Variants in MTHFD1 observed in about 807,000 individuals in gnomAD.
MTHFD1 encodes the protein methylenetetrahydrofolate dehydrogenase, cyclohydrolase and formyltetrahydrofolate synthetase 1.
MTHFD1 carries 44 observed loss-of-function variants against 110.3 expected under a neutral mutation model. That is an observed-to-expected ratio of 0.40 (90% CI 0.31 to 0.51). The LOEUF (loss-of-function observed/expected upper bound fraction) is 0.51, where lower values mean the gene tolerates loss of function less well. MTHFD1 is among the 20% of genes least tolerant of loss of function. MTHFD1 has a pLI of 0.60. For missense variants in MTHFD1, 909 were observed against 1,173.1 expected (o/e 0.77, Z 3.29); for synonymous variants, 402 against 428.8 (o/e 0.94, Z 0.77).
chr14:64,414,068 C>T (rs2884243), intron 4 of MTHFD1, among the ~76,000 whole-genome samples: 126,143 of 152,074 alleles, frequency 0.83, 52,516 homozygotes, highest in Middle Eastern at 0.93. Context: ...AATATTGGCT[C>T]ACTGCAACCT....
In MTHFD1 at chr14:64,448,202, C is replaced by A; in HGVS notation, c.2179-15C>A. ...ACTCTCTGATCTCATAGGCCTTTCA[C>A]TGTTGTTTTTACAGAACCTGGAGCT... is the stretch of plus-strand genomic sequence containing the variant. On this transcript the variant is annotated splice_polypyrimidine_tract_variant and intron_variant, in intron 22 of 27. Transcript: ENST00000652337. 6.2e-7 allele frequency: 1 copy of A among 1,601,202 alleles called. No individual in the cohort carries two copies. The highest frequency in any genetic ancestry group is 8.6e-7 in the Non-Finnish European group (1 of 1,168,354).
At chr14:64,419,554 G>T (rs1171805100) in intron 7 of MTHFD1, among the ~76,000 whole-genome samples, 1 of 152,208 alleles carries the variant, frequency 6.6e-6, no homozygotes, top group East Asian at 1.9e-4. Flanking sequence ...TGCCTTGCAG[G>T]TTGACACTGA....
At chr14:64,410,254 T>TTGCCCAGGC (rs942195429) in intron 2 of MTHFD1, among the ~76,000 whole-genome samples, 1 of 152,172 alleles carries the variant, frequency 6.6e-6, no homozygotes, top group Non-Finnish European at 1.5e-5. Context: ...TCTCTCTCTG[T>TTGCCCAGGC]TGCCCAGGCT....
intron 13 of MTHFD1, 48 bp downstream of exon 13, chr14:64,430,278 G>A (rs2078147593): frequency 1.4e-6 from 2 of 1,433,918 alleles, no homozygotes; most frequent in Non-Finnish European, 1.9e-6. Context: ...TTTTTTTGTC[G>A]GGGGGGAGGG....
chr14:64,459,179 C>G (rs2078523220), intron 27 of MTHFD1, among the ~76,000 whole-genome samples: 1 of 152,172 alleles, frequency 6.6e-6, no homozygotes, highest in East Asian at 1.9e-4. Flanking sequence ...CACCCCACAT[C>G]TCTTCCTAAG....
chr14:64,433,923 G>A (rs764913095), intron 15 of MTHFD1, among the ~76,000 whole-genome samples: 1 of 151,870 alleles, frequency 6.6e-6, no homozygotes, highest in Non-Finnish European at 1.5e-5. Flanking sequence ...CCAGCTACTC[G>A]AGAGGCTGAC....
At position 64,447,274 on chromosome 14, in the gene MTHFD1, G is replaced by C. The variant is rs145087366; in HGVS notation, c.2179-943G>C. 3.7e-3 allele frequency among the ~76,000 whole-genome samples: 535 copies of C among 145,240 alleles called. 4 individuals are homozygous for C. The highest frequency in any genetic ancestry group is 0.012 in the African/African-American group (481 of 39,336). ...GGGTTCAAGTGATTCTCCTCCCTCA[G>C]CCTCCCAAGCAGCTGGGACTACAGG... On this transcript the variant is annotated intron_variant, in intron 22 of 27. Transcript: ENST00000652337.
At chr14:64,430,047 A>C in intron 12 of MTHFD1, 137 bp from the exon 13 acceptor site, 2 of 834,216 alleles carry the variant, frequency 2.4e-6, no homozygotes, top group Admixed American at 1.9e-5. Flanking sequence ...ACACTTGATC[A>C]AAACTGTCCA....
intron 1 of MTHFD1, among the ~76,000 whole-genome samples, chr14:64,399,096 C>A (rs2077878272): frequency 6.6e-6 from 1 of 152,102 alleles, no homozygotes; most frequent in African/African-American, 2.4e-5. Context: ...GAGTGGGATT[C>A]ATTGATTTAT....
chr14:64,459,536 C>T (rs745975524), intron 27 of MTHFD1, among the ~76,000 whole-genome samples: 2 of 152,164 alleles, frequency 1.3e-5, no homozygotes, highest in East Asian at 1.9e-4. Context: ...TCATGGCTCA[C>T]GGCTTGGTCT....
chr14:64,415,573 A>G (rs1292382785), intron 5 of MTHFD1, 66 bp from the exon 6 acceptor site: 17 of 1,613,304 alleles, frequency 1.1e-5, no homozygotes, highest in Non-Finnish European at 1.4e-5. Flanking sequence ...TACAGCATAA[A>G]TGTTTCTAAA....
At chr14:64,441,287 A>C (rs1036356021) in intron 18 of MTHFD1, 98 bp from the exon 19 acceptor site, 14 of 1,122,018 alleles carry the variant, frequency 1.2e-5, no homozygotes, top group Non-Finnish European at 1.8e-5. Flanking sequence ...TTGGTCCAAG[A>C]TGGCTAACAT....
intron 7 of MTHFD1, among the ~76,000 whole-genome samples, chr14:64,418,954 T>G (rs1197658764): frequency 6.6e-6 from 1 of 151,886 alleles, no homozygotes; most frequent in Non-Finnish European, 1.5e-5. Flanking sequence ...ACTCCTGGGC[T>G]CGAGTGATCC....
intron 22 of MTHFD1, among the ~76,000 whole-genome samples, chr14:64,445,595 C>T (rs940210939): frequency 1.3e-5 from 2 of 152,094 alleles, no homozygotes; most frequent in African/African-American, 4.8e-5. Context: ...CTGTTCAGGC[C>T]CCAAATGAAG....
In MTHFD1 at chr14:64,400,712, G is replaced by A; in HGVS notation, c.42-81G>A. 3.2e-6 allele frequency: 3 copies of A among 927,802 alleles called. No homozygotes were observed. In the South Asian group the frequency reaches 4.1e-5, roughly 13 times the overall value. The allele number at this position is 927,802 out of a possible 1,614,324, so 57.5% of individuals were successfully genotyped here. ...TTAATAAACAAACAAACAAATAAAA[G>A]AGAAATACATCTAATAATCTGCATC... On this transcript the variant is annotated intron_variant, in intron 1 of 27. Transcript: ENST00000652337.
At chr14:64,437,061 G>A (rs1276987387) in intron 16 of MTHFD1, among the ~76,000 whole-genome samples, 1 of 151,932 alleles carries the variant, frequency 6.6e-6, no homozygotes, top group Non-Finnish European at 1.5e-5. Flanking sequence ...AGTCTTTATG[G>A]AAAATAATTT....
chr14:64,431,743 CA>C (rs1379672837), intron 14 of MTHFD1, 43 bp from the exon 15 acceptor site: 1 of 1,594,012 alleles, frequency 6.3e-7, no homozygotes, highest in Admixed American at 1.7e-5. Flanking sequence ...GGTAGCAAAG[CA>C]GTGGGGCTCC....
chr14:64,393,524 G>A (rs1298800826), intron 1 of MTHFD1, among the ~76,000 whole-genome samples: 1 of 152,224 alleles, frequency 6.6e-6, no homozygotes, highest in Non-Finnish European at 1.5e-5. Flanking sequence ...GTGCAGGAGA[G>A]GTCGGAGTTC....
intron 4 of MTHFD1, 23 bp from the exon 5 acceptor site, chr14:64,415,335 A>G: frequency 3.1e-6 from 5 of 1,594,824 alleles, no homozygotes; most frequent in Non-Finnish European, 4.3e-6. Context: ...TGATATACAA[A>G]TTATATATGG....
Sources: gnomAD v4.1 joint callset for allele counts (sites outside exome capture counted in the v4.1 genomes callset) on GRCh38, gnomAD v4.1.1 for gene constraint, MANE v1.5 for transcripts, NCBI Gene and HGNC (gene_info 2026-07-23, HGNC 2026-07-21) for gene names.